Variants in HS3ST5 observed in about 807,000 individuals in gnomAD.
The protein encoded by HS3ST5 is heparan sulfate glucosamine 3-O-sulfotransferase 5.
A neutral mutation model predicts 25.4 loss-of-function variants in HS3ST5; 10 were observed. That is an observed-to-expected ratio of 0.39 (90% CI 0.24 to 0.67). The LOEUF (loss-of-function observed/expected upper bound fraction) is 0.67, where lower values mean the gene tolerates loss of function less well. Among genes scored for constraint, HS3ST5 ranks in the 30% least tolerant of loss-of-function variants. The pLI is 0.44. For synonymous variants in HS3ST5, 170 were observed against 162.4 expected (o/e 1.05, Z -0.36); for missense variants, 324 against 420.7 (o/e 0.77, Z 2.01).
intron 1 of HS3ST5, among the ~76,000 whole-genome samples, chr6:114,249,933 A>C (rs1409056153): frequency 1.3e-5 from 2 of 152,220 alleles, no homozygotes; most frequent in East Asian, 3.8e-4. Flanking sequence ...CTAATGTAAA[A>C]ATAAATCCAT....
intron 2 of HS3ST5, among the ~76,000 whole-genome samples, chr6:114,218,737 C>T (rs765169574): frequency 5.9e-5 from 9 of 152,110 alleles, no homozygotes; most frequent in African/African-American, 9.7e-5. Context: ...GAATCAAACA[C>T]GTAACTTTTT....
At chr6:114,262,478 T>G (rs865845017) in intron 1 of HS3ST5, among the ~76,000 whole-genome samples, 18 of 151,270 alleles carry the variant, frequency 1.2e-4, no homozygotes, top group Admixed American at 1.1e-3. Context: ...ACCCAGGAGG[T>G]GGAGCTTGCA....
At chr6:114,151,458 A>G (rs1039867604) in intron 3 of HS3ST5, among the ~76,000 whole-genome samples, 2 of 152,228 alleles carry the variant, frequency 1.3e-5, no homozygotes, top group African/African-American at 4.8e-5. Context: ...CTGCATAGCA[A>G]TCTTGCTAAG....
chr6:114,321,475 G>C (rs1157403997), intron 1 of HS3ST5, among the ~76,000 whole-genome samples: 3 of 151,986 alleles, frequency 2.0e-5, no homozygotes, highest in Non-Finnish European at 4.4e-5. Context: ...TTTCTGGCTT[G>C]AGTTATTGCT....
At chr6:114,282,167 G>A (rs548308068) in intron 1 of HS3ST5, among the ~76,000 whole-genome samples, 17 of 152,006 alleles carry the variant, frequency 1.1e-4, no homozygotes, top group South Asian at 2.1e-4. Context: ...GAGACTAAGC[G>A]AAGAAACATT....
chr6:114,276,869 A>G (rs1015481588), intron 1 of HS3ST5, among the ~76,000 whole-genome samples: 2 of 151,942 alleles, frequency 1.3e-5, no homozygotes, highest in Non-Finnish European at 2.9e-5. Context: ...TCTTTCCTAT[A>G]TCCTTGTATT....
At chr6:114,279,485 T>C (rs1407255162) in intron 1 of HS3ST5, among the ~76,000 whole-genome samples, 1 of 152,088 alleles carries the variant, frequency 6.6e-6, no homozygotes, top group African/African-American at 2.4e-5. Flanking sequence ...CATGCGGTGA[T>C]GGCATCTAAC....
intron 2 of HS3ST5, among the ~76,000 whole-genome samples, chr6:114,201,441 C>G (rs917466380): frequency 6.6e-6 from 1 of 152,142 alleles, no homozygotes; most frequent in Non-Finnish European, 1.5e-5. Flanking sequence ...CCATTGGTCC[C>G]TCTCTTGTCC....
At chr6:114,071,300 G>A (rs2114732660) in intron 3 of HS3ST5, among the ~76,000 whole-genome samples, 1 of 152,276 alleles carries the variant, frequency 6.6e-6, no homozygotes, top group South Asian at 2.1e-4. Flanking sequence ...ATAAATGCTA[G>A]ACACGTAGAT....
chr6:114,240,405 C>T (rs1772056638), intron 1 of HS3ST5, among the ~76,000 whole-genome samples: 2 of 152,026 alleles, frequency 1.3e-5, no homozygotes, highest in African/African-American at 4.8e-5. Flanking sequence ...AATGAAATGA[C>T]CCAAAACATC....
rs749582974 is a variant in HS3ST5, at chr6:114,057,287, C to A, written c.1011G>T (p.Gln337His). The A allele has an allele frequency of 1.9e-6, 3 of 1,613,598 alleles. No homozygotes were observed. The highest frequency in any genetic ancestry group is 2.5e-6 in the Non-Finnish European group (3 of 1,179,686). The change falls in exon 5 of 5, where the codon CAG becomes CAT. Residue 337 changes from glutamine (Q) to histidine (H), a missense_variant. This residue lies in a region of HS3ST5 where 203 missense variants were observed against 303.4 expected (regional missense o/e 0.67). Coordinates refer to ENST00000312719, the MANE Select transcript of HS3ST5 (RefSeq NM_153612.4). Reference sequence around the variant, plus strand: ...GCCAGTTCAATGTCCTCCCAGTGATCTGGTAAAATTTTTGATTAAAAGGAT... The same window carrying A: ...GCCAGTTCAATGTCCTCCCAGTGATATGGTAAAATTTTTGATTAAAAGGAT... ...FFHPFNQKFY[Q>H]ITGRTLNWP
At chr6:114,273,468 A>C (rs911480357) in intron 1 of HS3ST5, among the ~76,000 whole-genome samples, 2 of 152,044 alleles carry the variant, frequency 1.3e-5, no homozygotes. Flanking sequence ...GATGGTATTT[A>C]AGGCCATAAG....
chr6:114,236,598 G>A (rs1582745700), intron 1 of HS3ST5, among the ~76,000 whole-genome samples: 1 of 152,190 alleles, frequency 6.6e-6, no homozygotes, highest in Non-Finnish European at 1.5e-5. Context: ...TTGGCTTATA[G>A]TGGATGCTTA....
At chr6:114,117,479 A>G (rs1776588019) in intron 3 of HS3ST5, among the ~76,000 whole-genome samples, 1 of 152,208 alleles carries the variant, frequency 6.6e-6, no homozygotes, top group South Asian at 2.1e-4. Flanking sequence ...GGTAATACCC[A>G]GCTTACAAAG....
intron 1 of HS3ST5, among the ~76,000 whole-genome samples, chr6:114,326,114 A>T (rs930581025): frequency 1.3e-5 from 2 of 151,540 alleles, no homozygotes; most frequent in Non-Finnish European, 2.9e-5. Flanking sequence ...AAGTAGGCCC[A>T]CTGGGCCTGG....
At chr6:114,144,719 A>G (rs1417575854) in intron 3 of HS3ST5, among the ~76,000 whole-genome samples, 1 of 152,284 alleles carries the variant, frequency 6.6e-6, no homozygotes, top group East Asian at 1.9e-4. Context: ...CTGGGCACTA[A>G]TCTTAGCTCT....
chr6:114,291,641 G>T (rs371070370), intron 1 of HS3ST5, among the ~76,000 whole-genome samples: 1 of 152,184 alleles, frequency 6.6e-6, no homozygotes, highest in Admixed American at 6.5e-5. Context: ...TGCCTACTGG[G>T]AAGATTGATA....
intron 3 of HS3ST5, among the ~76,000 whole-genome samples, chr6:114,115,482 C>T (rs936544040): frequency 6.6e-6 from 1 of 152,004 alleles, no homozygotes; most frequent in Non-Finnish European, 1.5e-5. Flanking sequence ...CATATCTGTC[C>T]TATCATTATA....
chr6:114,224,504 C>G (rs1441349278), intron 2 of HS3ST5, among the ~76,000 whole-genome samples: 1 of 151,232 alleles, frequency 6.6e-6, no homozygotes, highest in African/African-American at 2.4e-5. Context: ...GAAAAGTTCT[C>G]TCTCTGTTTC....
Sources: allele counts gnomAD v4.1 joint callset (sites outside exome capture counted in the v4.1 genomes callset), GRCh38; gene constraint gnomAD v4.1.1; regional missense constraint gnomAD v4.1.1; transcripts MANE v1.5; gene names NCBI Gene and HGNC (gene_info 2026-07-23, HGNC 2026-07-21).